The following COQ9 variants were observed in gnomAD, a reference collection of about 807,000 sequenced individuals.
COQ9 encodes the protein ubiquinone biosynthesis protein COQ9, mitochondrial.
COQ9 carries 35 observed loss-of-function variants against 42.4 expected under a neutral mutation model. The ratio of observed to expected loss-of-function variants is 0.83; its 90% CI spans 0.63 to 1.10. The LOEUF (loss-of-function observed/expected upper bound fraction) is 1.10, where lower values mean the gene tolerates loss of function less well. Among genes scored for constraint, COQ9 ranks in the 50% least tolerant of loss-of-function variants. The pLI is 0.00. For synonymous variants in COQ9, 155 were observed against 155.1 expected, an observed-to-expected ratio of 1.00 and a Z score of 0.00; for missense variants, 406 against 414.6, an observed-to-expected ratio of 0.98 and a Z score of 0.18.
chr16:57,451,013 TC>T (rs1284069230), intron 1 of COQ9, 26 bp from the exon 2 acceptor site: 2 of 1,612,768 alleles, frequency 1.2e-6, no homozygotes, highest in African/African-American at 2.7e-5. Flanking sequence ...CTGTTGAATG[TC>T]CCTGACTGAC....
chr16:57,448,194 A>G (rs2030179093), intron 1 of COQ9, among the ~76,000 whole-genome samples: 1 of 152,174 alleles, frequency 6.6e-6, no homozygotes, highest in Non-Finnish European at 1.5e-5. Flanking sequence ...TATTTCACCT[A>G]AAATCTTCTC....
At chr16:57,459,989 G>C (rs1355695376) in intron 7 of COQ9, 62 bp from the exon 8 acceptor site, 1 of 1,529,478 alleles carries the variant, frequency 6.5e-7, no homozygotes, top group African/African-American at 1.4e-5. Context: ...GATTTGTCCT[G>C]CCTGTCTCAA....
chr16:57,460,512 A>G, intron 8 of COQ9, 77 bp from the exon 9 acceptor site: 1 of 1,410,786 alleles, frequency 7.1e-7, no homozygotes, highest in East Asian at 2.3e-5. Context: ...GAGAAAAAGA[A>G]AAGCTAGGTC....
chr16:57,460,566 C>A (rs1349694972), intron 8 of COQ9, 23 bp from the exon 9 acceptor site: 1 of 1,613,114 alleles, frequency 6.2e-7, no homozygotes, highest in Non-Finnish European at 8.5e-7. Context: ...TCACTATTCT[C>A]TTTATTTCCA....
Position 57,459,697 on chromosome 16 carries a change from A to G in COQ9, c.844A>G (p.Asn282Asp). 6.2e-7 allele frequency: 1 copy of G among 1,614,200 alleles called. No individual in the cohort carries two copies. The highest frequency in any genetic ancestry group is 8.5e-7 in the Non-Finnish European group (1 of 1,180,028). The change falls in exon 7 of 9, where the codon AAC becomes GAC. Residue 282 changes from asparagine to aspartate, a missense_variant. By Grantham distance (23) the Asn-to-Asp change is conservative. Coordinates refer to ENST00000262507, the MANE Select transcript of COQ9 (RefSeq NM_020312.4). ...GGAAAACCGGGTTAATGATGCAATG[A>G]ACATGGGCCACACTGCCAAGCAGGT... Reference protein sequence around the residue: ...FLENRVNDAMNMGHTAKQVKS... With the variant: ...FLENRVNDAMDMGHTAKQVKS...
Position 57,451,202 on chromosome 16 carries a change from C to T in COQ9, c.236C>T (p.Pro79Leu), listed in dbSNP as rs1269537570. Residue 79 changes from proline (P) to leucine (L), a missense_variant, in exon 2 of 9, where the codon CCC becomes CTC. Transcript: ENST00000262507. The part of the protein sequence containing the change: ...EKPDPESSHS[P>L]PRYTDQGGEE... ...CCTGATCCAGAGTCTTCTCATTCAC[C>T]CCCCAGGTAGGCACCAATCCACCTA... The T allele has an allele frequency of 1.2e-6, 2 of 1,614,022 alleles. No homozygotes were observed. The highest frequency in any genetic ancestry group is 2.2e-5 in the East Asian group (1 of 44,902).
At chr16:57,455,356 CATAT>C (rs72051263) in intron 3 of COQ9, among the ~76,000 whole-genome samples, 2 of 143,332 alleles carry the variant, frequency 1.4e-5, no homozygotes, top group African/African-American at 2.6e-5. Context: ...CACATTTGGG[CATAT>C]ATATATATAT....
At chr16:57,460,154 C>T (rs745789905) in intron 8 of COQ9, 50 bp downstream of exon 8, 1 of 1,562,592 alleles carries the variant, frequency 6.4e-7, no homozygotes, top group East Asian at 2.2e-5. Flanking sequence ...CATTCCGGCT[C>T]TGTGATACAT....
intron 7 of COQ9, 52 bp from the exon 8 acceptor site, chr16:57,459,999 A>G: frequency 1.9e-6 from 3 of 1,573,810 alleles, no homozygotes; most frequent in Non-Finnish European, 2.6e-6. Flanking sequence ...GCCTGTCTCA[A>G]GTTTAACTTT....
intron 3 of COQ9, 40 bp downstream of exon 3, chr16:57,452,976 G>A: frequency 6.2e-7 from 1 of 1,612,366 alleles, no homozygotes; most frequent in East Asian, 2.2e-5. Flanking sequence ...ACCAAGATGA[G>A]CCAGGATGGA....
Position 57,460,841 on chromosome 16 carries a change from C to G in COQ9, c.*217C>G, listed in dbSNP as rs1261885134. 2 of 571,728 alleles carry G rather than the reference C, an allele frequency of 3.5e-6. No homozygotes were observed. Among genetic ancestry groups the G allele is most frequent in the Non-Finnish European group, 6.3e-6 (2 of 315,154 alleles). 35.4% of individuals were successfully genotyped at this position (571,728 alleles called of 1,614,324 possible). On this transcript the variant is annotated 3_prime_UTR_variant, in exon 9 of 9. Transcript: ENST00000262507. ...GCTTCTTCAGTTCCTAATACCAGAC[C>G]AAGCCTCCTGATGCCTTTCTGCACT...
chr16:57,460,621 G>A lies in COQ9; in HGVS notation c.954G>A (p.Arg318=), dbSNP rs1416388924. 1.2e-6 allele frequency: 2 copies of A among 1,613,730 alleles called. No homozygotes were observed. Among genetic ancestry groups the A allele is most frequent in the Non-Finnish European group, 1.7e-6 (2 of 1,179,734 alleles). ...ACTTGACAGGTCTAAACCAGCGTCG[G>A]TGAGAGGAAGGGGTATAAGCTACAA... ...LKNLTGLNQR[R] Residue 318 remains arginine (R), a synonymous_variant, in exon 9 of 9, where the codon CGG becomes CGA. Transcript: ENST00000262507.
intron 3 of COQ9, among the ~76,000 whole-genome samples, chr16:57,455,049 G>T (rs2030371121): frequency 6.6e-6 from 1 of 152,156 alleles, no homozygotes; most frequent in African/African-American, 2.4e-5. Context: ...GACTCATTGG[G>T]GGCTGCTGCC....
At chr16:57,451,491 G>T (rs1381587693) in intron 2 of COQ9, among the ~76,000 whole-genome samples, 4 of 152,162 alleles carry the variant, frequency 2.6e-5, no homozygotes, top group African/African-American at 7.2e-5. Context: ...TCTTAGGAAA[G>T]AACCTATTGT....
Position 57,460,584 on chromosome 16 carries a change from G to A in COQ9, c.922-5G>A. ...CTATTCTCTTTATTTCCATTCCCGT[G>A]TCAGCTCAAGAACTTGACAGGTCTA... On this transcript the variant is annotated splice_polypyrimidine_tract_variant and splice_region_variant and intron_variant, in intron 8 of 8. Coordinates refer to ENST00000262507, the MANE Select transcript of COQ9 (RefSeq NM_020312.4). 6.2e-7 allele frequency: 1 copy of A among 1,613,910 alleles called. No homozygotes were observed. Among genetic ancestry groups the A allele is most frequent in the Non-Finnish European group, 8.5e-7 (1 of 1,179,836 alleles).
chr16:57,454,334 T>C (rs1358870091), intron 3 of COQ9: 1 of 152,252 alleles, frequency 6.6e-6, no homozygotes, highest in East Asian at 1.9e-4. Flanking sequence ...CCTGTTAAAC[T>C]ATGACAAATA....
intron 3 of COQ9, among the ~76,000 whole-genome samples, chr16:57,454,939 A>G (rs1411045013): frequency 4.6e-5 from 7 of 152,222 alleles, no homozygotes; most frequent in African/African-American, 1.7e-4. Flanking sequence ...TGAGGAGTCA[A>G]GCTTTTCTTC....
chr16:57,455,697 G>T (rs1038872456), intron 3 of COQ9, among the ~76,000 whole-genome samples: 1 of 152,000 alleles, frequency 6.6e-6, no homozygotes, highest in Non-Finnish European at 1.5e-5. Context: ...AGGAAGTGGC[G>T]AGGCGTTTGG....
intron 5 of COQ9, 89 bp from the exon 6 acceptor site, chr16:57,458,157 C>T: frequency 1.0e-6 from 1 of 970,754 alleles, no homozygotes; most frequent in Non-Finnish European, 1.6e-6. Context: ...TGGCAGGCCC[C>T]CTCATACACC....
Sources: gnomAD v4.1 joint callset for allele counts (sites outside exome capture counted in the v4.1 genomes callset) on GRCh38, gnomAD v4.1.1 for gene constraint, MANE v1.5 for transcripts, NCBI Gene and HGNC (gene_info 2026-07-23, HGNC 2026-07-21) for gene names.